Variants in FUBP3 observed in about 807,000 individuals in gnomAD.
The protein encoded by FUBP3 is far upstream element-binding protein 3.
In FUBP3, 28 loss-of-function variants were observed where a neutral mutation model predicts 85.6. The observed-to-expected ratio is 0.33, with a 90% CI of 0.24 to 0.45. The LOEUF is 0.45. Ranked by LOEUF, FUBP3 falls within the 20% of genes least tolerant of loss-of-function variation. The pLI, the probability that FUBP3 is intolerant of heterozygous loss-of-function variation, is 1.00. For synonymous variants in FUBP3, 271 were observed against 271.4 expected (o/e 1.00, Z 0.01); for missense variants, 583 against 755.1 (o/e 0.77, Z 2.67).
intron 2 of FUBP3, among the ~76,000 whole-genome samples, chr9:130,608,458 A>C (rs894492182): frequency 1.3e-5 from 2 of 152,184 alleles, no homozygotes; most frequent in African/African-American, 4.8e-5. Flanking sequence ...TATGTGGCCA[A>C]CATACCTCCC....
intron 16 of FUBP3, among the ~76,000 whole-genome samples, chr9:130,633,638 C>T (rs1007896484): frequency 2.0e-5 from 3 of 152,212 alleles, no homozygotes; most frequent in Non-Finnish European, 4.4e-5. Flanking sequence ...AGTGGAGAAC[C>T]GGTTTGGGTT....
intron 9 of FUBP3, among the ~76,000 whole-genome samples, chr9:130,621,500 A>C (rs1243299830): frequency 6.6e-6 from 1 of 152,198 alleles, no homozygotes; most frequent in Non-Finnish European, 1.5e-5. Context: ...AACAGTGTGT[A>C]TGGTGTGTTT....
chr9:130,631,811 G>A, intron 14 of FUBP3, 131 bp from the exon 15 acceptor site: 1 of 835,184 alleles, frequency 1.2e-6, no homozygotes, highest in Non-Finnish European at 2.0e-6. Context: ...CCTCAGCGAT[G>A]GGGTGGGAGC....
At chr9:130,630,253 A>G (rs1401155994) in intron 12 of FUBP3, among the ~76,000 whole-genome samples, 7 of 152,236 alleles carry the variant, frequency 4.6e-5, no homozygotes, top group Non-Finnish European at 8.8e-5. Context: ...GGGCAGTGCC[A>G]TCCCTGGCTG....
intron 5 of FUBP3, 43 bp downstream of exon 5, chr9:130,613,070 G>T (rs367684237): frequency 1.7e-5 from 22 of 1,299,194 alleles, no homozygotes; most frequent in Non-Finnish European, 2.5e-5. Flanking sequence ...GTAGAAATCA[G>T]TATTTTGCAA....
intron 2 of FUBP3, among the ~76,000 whole-genome samples, chr9:130,603,566 G>A (rs779769752): frequency 7.9e-5 from 12 of 152,102 alleles, no homozygotes; most frequent in African/African-American, 2.7e-4. Context: ...TTGGAAAAAG[G>A]CAGTGAGATT....
intron 5 of FUBP3, 78 bp downstream of exon 5, chr9:130,613,105 T>A: frequency 2.2e-6 from 2 of 889,996 alleles, no homozygotes; most frequent in South Asian, 2.8e-5. Context: ...GGTACTTTGC[T>A]TGTTGCTTGG....
intron 2 of FUBP3, among the ~76,000 whole-genome samples, chr9:130,603,347 C>CA (rs34850259): frequency 0.33 from 27,722 of 82,866 alleles, 5,102 homozygotes; most frequent in East Asian, 0.38. Context: ...ACTCTGTCTC[C>CA]AAAAAAAAAA....
chr9:130,615,513 A>G (rs1387457728), intron 6 of FUBP3, among the ~76,000 whole-genome samples: 1 of 152,232 alleles, frequency 6.6e-6, no homozygotes, highest in Non-Finnish European at 1.5e-5. Context: ...CAAAAAGCAG[A>G]TTGTGTGTGG....
chr9:130,589,669 G>GTGTGTGTGTGTGTA (rs1554733115), intron 1 of FUBP3, among the ~76,000 whole-genome samples: 3 of 33,708 alleles, frequency 8.9e-5, no homozygotes, highest in East Asian at 1.0e-3. Flanking sequence ...ATGTATGTAT[G>GTGTGTGTGTGTGTA]TGTGTGTATA....
chr9:130,636,044 A>C lies in FUBP3; in HGVS notation c.1628A>C (p.Tyr543Ser), dbSNP rs202110626. ...CCTCAGGCCAGCTCCCCACCGGACT[A>C]CACAATGGCCTGGGCAGAATATTAC... ...AAPQASSPPD[Y>S]TMAWAEYYRQ... The change falls in exon 18 of 19, where the codon TAC (tyrosine) becomes TCC (serine). Residue 543 changes from tyrosine (Y) to serine (S), a missense_variant. By Grantham distance (144) the Tyr-to-Ser change is moderately radical. Around this residue, in one of 3 missense-constraint regions of FUBP3, gnomAD observed 404 missense variants for 516.8 expected, o/e 0.78. Transcript: ENST00000319725. 1.3e-4 allele frequency: 211 copies of C among 1,613,728 alleles called. No individual in the cohort carries two copies. Among genetic ancestry groups the C allele is most frequent in the Non-Finnish European group, 1.7e-4 (204 of 1,179,860 alleles).
chr9:130,617,766 A>T, intron 7 of FUBP3, 31 bp from the exon 8 acceptor site: 3 of 1,293,024 alleles, frequency 2.3e-6, no homozygotes, highest in South Asian at 2.4e-5. Context: ...TGCATTATTC[A>T]TGAGGCTGTG....
intron 1 of FUBP3, among the ~76,000 whole-genome samples, chr9:130,592,497 C>T (rs186612814): frequency 2.6e-5 from 4 of 152,256 alleles, no homozygotes; most frequent in African/African-American, 9.6e-5. Flanking sequence ...TTCCTTCCTT[C>T]CTTCTTCCTA....
At chr9:130,609,474 G>T (rs574197622) in intron 2 of FUBP3, among the ~76,000 whole-genome samples, 1 of 152,048 alleles carries the variant, frequency 6.6e-6, no homozygotes, top group African/African-American at 2.4e-5. Flanking sequence ...ACCAGGGGGC[G>T]TCTCCTCCCC....
chr9:130,615,543 G>A (rs928457241), intron 6 of FUBP3, among the ~76,000 whole-genome samples: 8 of 151,270 alleles, frequency 5.3e-5, no homozygotes, highest in Non-Finnish European at 1.0e-4. Context: ...GAATCAATAC[G>A]AGAAATAACA....
rs11243996 is a variant in FUBP3 at position 130,622,337 on chromosome 9, A to G, written c.772-371A>G. The stretch of plus-strand genomic sequence containing the variant: ...TCCATCTCCAAAAAAAAAAAAAAAA[A>G]AAAAAGTGTCCTGGCCAGACACAGT... On this transcript the variant is annotated intron_variant, in intron 9 of 18. Transcript: ENST00000319725. 3.7e-3 allele frequency among the ~76,000 whole-genome samples: 552 copies of G among 149,928 alleles called. 32 individuals are homozygous for G. In the East Asian group the frequency reaches 0.094, roughly 26 times the overall value.
chr9:130,609,331 G>C lies in FUBP3; in HGVS notation c.191-623G>C, dbSNP rs543166777. Among the ~76,000 whole-genome samples, 3 of 152,096 alleles carry C rather than the reference G, an allele frequency of 2.0e-5. No homozygotes were observed. The East Asian group carries it at 5.8e-4, about 29-fold the overall frequency. ...CTTTGTGAAATGGGCTTGAAAGGCA[G>C]TTGCTCATTCTTAGTGTCCGCTGCA... On this transcript the variant is annotated intron_variant, in intron 2 of 18. Transcript: ENST00000319725.
intron 6 of FUBP3, among the ~76,000 whole-genome samples, chr9:130,615,854 G>T (rs1382401744): frequency 6.6e-6 from 1 of 152,232 alleles, no homozygotes; most frequent in Non-Finnish European, 1.5e-5. Context: ...TGAAGAAGAA[G>T]CGTGGAGTAT....
At chr9:130,606,776 C>T (rs951217734) in intron 2 of FUBP3, among the ~76,000 whole-genome samples, 13 of 151,864 alleles carry the variant, frequency 8.6e-5, no homozygotes, top group African/African-American at 2.4e-4. Context: ...GCCGAGATCA[C>T]GCCTTTGCAC....
Sources: allele counts gnomAD v4.1 joint callset (sites outside exome capture counted in the v4.1 genomes callset), GRCh38; gene constraint gnomAD v4.1.1; regional missense constraint gnomAD v4.1.1; transcripts MANE v1.5; gene names NCBI Gene and HGNC (gene_info 2026-07-23, HGNC 2026-07-21).